The following GALNT13 variants were observed in gnomAD, a reference collection of about 807,000 sequenced individuals.
GALNT13 encodes polypeptide N-acetylgalactosaminyltransferase 13, also known as UDP-GalNAc:polypeptide N-acetylgalactosaminyltransferase 13.
GALNT13 carries 28 observed loss-of-function variants against 64.2 expected under a neutral mutation model. That is an observed-to-expected ratio of 0.44 (90% confidence interval 0.32 to 0.60). The LOEUF (loss-of-function observed/expected upper bound fraction) is 0.60, where lower values mean the gene tolerates loss of function less well. Ranked by LOEUF, GALNT13 falls within the 20% of genes least tolerant of loss-of-function variation. The pLI, the probability that GALNT13 is intolerant of heterozygous loss-of-function variation, is 0.05. For missense variants in GALNT13, 577 were observed against 669.8 expected, an observed-to-expected ratio of 0.86 and a Z score of 1.53; for synonymous variants, 214 against 224.6, an observed-to-expected ratio of 0.95 and a Z score of 0.42.
At chr2:154,256,007 T>G (rs976611180) in intron 7 of GALNT13, among the ~76,000 whole-genome samples, 12 of 151,658 alleles carry the variant, frequency 7.9e-5, no homozygotes, top group African/African-American at 2.9e-4. Flanking sequence ...GAAATCTGAT[T>G]GCACCACTAC....
the GALNT13 span, among the ~76,000 whole-genome samples, chr2:153,191,946 T>C: frequency 6.6e-6 from 1 of 151,964 alleles, no homozygotes; most frequent in South Asian, 2.1e-4. Context: ...TCTCTTTTTT[T>C]ACTTGGTTAA....
chr2:153,241,482 A>G, the GALNT13 span, among the ~76,000 whole-genome samples: 2 of 152,200 alleles, frequency 1.3e-5, no homozygotes, highest in African/African-American at 2.4e-5. Flanking sequence ...TCCATAAAAC[A>G]GAAAAGGATG....
chr2:153,302,076 C>G, the GALNT13 span, among the ~76,000 whole-genome samples: 1 of 152,048 alleles, frequency 6.6e-6, no homozygotes, highest in African/African-American at 2.4e-5. Flanking sequence ...TAATGGTAAA[C>G]CTGGATCGTA....
chr2:154,096,191 G>A (rs1165331358), intron 3 of GALNT13, among the ~76,000 whole-genome samples: 1 of 151,914 alleles, frequency 6.6e-6, no homozygotes, highest in Admixed American at 6.6e-5. Context: ...TTCAAATAAA[G>A]TAAAATCTCA....
At chr2:154,368,860 G>C (rs948971273) in intron 9 of GALNT13, among the ~76,000 whole-genome samples, 3 of 152,114 alleles carry the variant, frequency 2.0e-5, no homozygotes, top group Admixed American at 6.5e-5. Flanking sequence ...GGGGTAACAA[G>C]ATCCTGCTGG....
At chr2:154,339,689 T>A (rs1243850668) in intron 9 of GALNT13, among the ~76,000 whole-genome samples, 1 of 152,088 alleles carries the variant, frequency 6.6e-6, no homozygotes, top group Admixed American at 6.6e-5. Context: ...TGACAATGGA[T>A]AGTAAATGAT....
chr2:153,307,612 G>A, the GALNT13 span, among the ~76,000 whole-genome samples: 2 of 151,934 alleles, frequency 1.3e-5, no homozygotes, highest in Admixed American at 1.3e-4. Flanking sequence ...AGCATATATT[G>A]CAGTGTAAAT....
chr2:154,397,188 C>G (rs1699094462), intron 10 of GALNT13, among the ~76,000 whole-genome samples: 1 of 152,058 alleles, frequency 6.6e-6, no homozygotes. Flanking sequence ...GTAATCCCAG[C>G]ACTTCGGGAG....
At chr2:153,405,583 G>A in the GALNT13 span, among the ~76,000 whole-genome samples, 5 of 152,036 alleles carry the variant, frequency 3.3e-5, no homozygotes, top group African/African-American at 1.2e-4. Flanking sequence ...CCAACCTCAG[G>A]GAGTTTAAAT....
chr2:153,343,472 T>G, the GALNT13 span, among the ~76,000 whole-genome samples: 1 of 152,140 alleles, frequency 6.6e-6, no homozygotes, highest in Admixed American at 6.5e-5. Flanking sequence ...TCCTAAATAA[T>G]AATTTGTTAT....
At chr2:153,598,412 G>A in the GALNT13 span, among the ~76,000 whole-genome samples, 5 of 151,944 alleles carry the variant, frequency 3.3e-5, no homozygotes, top group East Asian at 5.8e-4. Context: ...CTTCATTCAG[G>A]TGGGTCTCTT....
At chr2:153,415,043 A>G in the GALNT13 span, among the ~76,000 whole-genome samples, 9 of 152,082 alleles carry the variant, frequency 5.9e-5, no homozygotes, top group Non-Finnish European at 8.8e-5. Context: ...CTGGCATGGT[A>G]TTACTTATTA....
At chr2:153,863,768 T>A in the GALNT13 span, among the ~76,000 whole-genome samples, 2 of 152,074 alleles carry the variant, frequency 1.3e-5, no homozygotes. Context: ...CTATGTACTA[T>A]GTGCCAGATA....
At chr2:154,095,319 G>GATGATGCT (rs1363079951) in intron 3 of GALNT13, among the ~76,000 whole-genome samples, 1 of 151,662 alleles carries the variant, frequency 6.6e-6, no homozygotes, top group Non-Finnish European at 1.5e-5. Flanking sequence ...TCTGCTACTA[G>GATGATGCT]ATGATGCTAT....
the GALNT13 span, among the ~76,000 whole-genome samples, chr2:153,455,442 G>A: frequency 2.0e-5 from 3 of 152,196 alleles, no homozygotes; most frequent in African/African-American, 4.8e-5. Context: ...ATGAGTGCGG[G>A]AACGAGTGAA....
At chr2:153,298,708 A>G in the GALNT13 span, among the ~76,000 whole-genome samples, 2 of 152,176 alleles carry the variant, frequency 1.3e-5, no homozygotes, top group Non-Finnish European at 1.5e-5. Context: ...TGTATCTGCA[A>G]AGAAGAGAAT....
At chr2:154,201,230 A>G (rs1379179287) in intron 4 of GALNT13, among the ~76,000 whole-genome samples, 3 of 152,140 alleles carry the variant, frequency 2.0e-5, no homozygotes, top group African/African-American at 4.8e-5. Flanking sequence ...TTAGTAGTTA[A>G]TAAAGACAAT....
At chr2:153,553,203 A>C in the GALNT13 span, among the ~76,000 whole-genome samples, 2 of 152,136 alleles carry the variant, frequency 1.3e-5, no homozygotes, top group Non-Finnish European at 2.9e-5. Flanking sequence ...CTCATCATGA[A>C]ATTAGATGTT....
At chr2:153,598,471 T>A in the GALNT13 span, among the ~76,000 whole-genome samples, 3 of 152,146 alleles carry the variant, frequency 2.0e-5, no homozygotes, top group Non-Finnish European at 4.4e-5. Context: ...ACTCTTCTCC[T>A]GCTTTATTTT....
Sources: gnomAD v4.1 joint callset for allele counts (sites outside exome capture counted in the v4.1 genomes callset) on GRCh38, gnomAD v4.1.1 for gene constraint, MANE v1.5 for transcripts, NCBI Gene and HGNC (gene_info 2026-07-23, HGNC 2026-07-21) for gene names.